Variants in NEGR1 observed in about 807,000 individuals in gnomAD.
The protein encoded by NEGR1 is neuronal growth regulator 1, also known as IgLON family member 4.
Under a neutral mutation model 40.9 loss-of-function variants are expected in NEGR1, and 10 were observed. The observed-to-expected ratio is 0.24, with a 90% CI of 0.15 to 0.42. The LOEUF (loss-of-function observed/expected upper bound fraction) is 0.42. NEGR1 is among the 10% of genes least tolerant of loss of function. The pLI, the probability that NEGR1 is intolerant of heterozygous loss-of-function variation, is 1.00. For missense variants in NEGR1, 352 were observed against 438.9 expected, an observed-to-expected ratio of 0.80 and a Z score of 1.77; for synonymous variants, 185 against 166.8, an observed-to-expected ratio of 1.11 and a Z score of -0.84.
At chr1:72,071,936 A>T (rs1307799775) in intron 1 of NEGR1, among the ~76,000 whole-genome samples, 3 of 152,124 alleles carry the variant, frequency 2.0e-5, no homozygotes, top group Non-Finnish European at 2.9e-5. Context: ...AGAAGTTTTC[A>T]ATAGCTCCTA....
intron 2 of NEGR1, among the ~76,000 whole-genome samples, chr1:71,831,364 A>G (rs1435133644): frequency 6.6e-6 from 1 of 151,994 alleles, no homozygotes; most frequent in Non-Finnish European, 1.5e-5. Context: ...TTGAGTGGAT[A>G]AAAGCTACCC....
In NEGR1 at chr1:72,196,810, C is replaced by T. The variant is rs371316322; in HGVS notation, c.176+85509G>A. Reference sequence around the variant, plus strand: ...AAGAGAAAAAATGACTTACATGTAACTACAATAAAAGGATTTCTGGCAAAT... The same window carrying T: ...AAGAGAAAAAATGACTTACATGTAATTACAATAAAAGGATTTCTGGCAAAT... On this transcript the variant is annotated intron_variant, in intron 1 of 6. Coordinates refer to ENST00000357731, the MANE Select transcript of NEGR1 (RefSeq NM_173808.3). 2.8e-4 allele frequency among the ~76,000 whole-genome samples: 42 copies of T among 148,744 alleles called. No individual in the cohort carries two copies. The East Asian group carries it at 6.5e-3, about 23-fold the overall frequency.
chr1:71,880,222 T>A (rs1359616383), intron 2 of NEGR1, among the ~76,000 whole-genome samples: 1 of 152,038 alleles, frequency 6.6e-6, no homozygotes, highest in African/African-American at 2.4e-5. Flanking sequence ...ATAACAATTT[T>A]ATTGCAGAGA....
intron 1 of NEGR1, among the ~76,000 whole-genome samples, chr1:72,072,373 T>C (rs1252739001): frequency 2.6e-5 from 4 of 152,110 alleles, no homozygotes; most frequent in Admixed American, 2.0e-4. Context: ...GGTGATTAAA[T>C]AGGAAATATT....
intron 1 of NEGR1, among the ~76,000 whole-genome samples, chr1:72,178,128 A>T (rs1652241673): frequency 6.6e-6 from 1 of 151,264 alleles, no homozygotes; most frequent in Non-Finnish European, 1.5e-5. Flanking sequence ...ATTTTTCCTT[A>T]TTTTGTTTTT....
At chr1:71,651,601 C>T (rs1651720378) in intron 4 of NEGR1, among the ~76,000 whole-genome samples, 1 of 152,114 alleles carries the variant, frequency 6.6e-6, no homozygotes, top group African/African-American at 2.4e-5. Context: ...GCTCAACTGT[C>T]ATTTCTCTCT....
chr1:71,710,050 C>G (rs534829452), intron 3 of NEGR1, among the ~76,000 whole-genome samples: 1 of 152,126 alleles, frequency 6.6e-6, no homozygotes, highest in Admixed American at 6.5e-5. Flanking sequence ...AGGAAAATAT[C>G]TAATAATCTG....
In NEGR1 at chr1:72,090,467, C is replaced by T. The variant is rs138570984; in HGVS notation, c.177-155156G>A. Reference sequence around the variant, plus strand: ...TATGGGAATTTACACAGTTAATTTACATTCACATTTACAGGAATTACCTCT... The same window carrying T: ...TATGGGAATTTACACAGTTAATTTATATTCACATTTACAGGAATTACCTCT... On this transcript the variant is annotated intron_variant, in intron 1 of 6. Transcript: ENST00000357731. Among the ~76,000 whole-genome samples the T allele has an allele frequency of 8.1e-3, 1,223 of 151,326 alleles. 19 individuals carry two copies. Among genetic ancestry groups the T allele is most frequent in the African/African-American group, 0.028 (1,167 of 41,268 alleles).
chr1:71,805,247 T>G (rs1050781294), intron 2 of NEGR1, among the ~76,000 whole-genome samples: 1 of 152,216 alleles, frequency 6.6e-6, no homozygotes, highest in African/African-American at 2.4e-5. Flanking sequence ...TCCTGTGATC[T>G]TGCCCTGCCT....
At chr1:71,554,319 A>G (rs1482000624) in intron 6 of NEGR1, among the ~76,000 whole-genome samples, 2 of 151,574 alleles carry the variant, frequency 1.3e-5, no homozygotes, top group African/African-American at 2.4e-5. Flanking sequence ...ACAATATTAT[A>G]TTGCACATTG....
chr1:72,044,916 C>T (rs1379376239), intron 1 of NEGR1, among the ~76,000 whole-genome samples: 1 of 151,798 alleles, frequency 6.6e-6, no homozygotes, highest in African/African-American at 2.4e-5. Context: ...CATAATAATA[C>T]ATATCCGAGG....
intron 2 of NEGR1, among the ~76,000 whole-genome samples, chr1:71,847,643 A>G (rs1659465480): frequency 6.6e-6 from 1 of 152,160 alleles, no homozygotes; most frequent in South Asian, 2.1e-4. Context: ...TCACTGACTG[A>G]CCATTCCCCA....
At chr1:71,492,193 A>G (rs1646934613) in intron 6 of NEGR1, among the ~76,000 whole-genome samples, 1 of 152,112 alleles carries the variant, frequency 6.6e-6, no homozygotes, top group South Asian at 2.1e-4. Flanking sequence ...GGACTAAGAG[A>G]TTGGGCAAGG....
chr1:72,067,534 G>T (rs1027007173), intron 1 of NEGR1, among the ~76,000 whole-genome samples: 1 of 152,022 alleles, frequency 6.6e-6, no homozygotes, highest in Non-Finnish European at 1.5e-5. Context: ...TGAAGATAAG[G>T]TACCATAATT....
Position 72,144,209 on chromosome 1 carries a change from T to TGGG in NEGR1, c.176+138109_176+138110insCCC, listed in dbSNP as rs535881088. Among the ~76,000 whole-genome samples the TGGG allele has an allele frequency of 5.8e-3, 872 of 151,572 alleles. 10 individuals carry two copies. Among genetic ancestry groups the TGGG allele is most frequent in the African/African-American group, 0.02 (826 of 41,450 alleles). On this transcript the variant is annotated intron_variant, in intron 1 of 6. Transcript: ENST00000357731. Reference sequence around the variant, plus strand: ...TTCATTCTAAATTACTTAAAACATATAGGTCTTGCAGGCACTCCCAATCAT... The same window carrying TGGG: ...TTCATTCTAAATTACTTAAAACATATGGGAGGTCTTGCAGGCACTCCCAATCAT...
chr1:72,219,069 C>A lies in NEGR1; in HGVS notation c.176+63250G>T, dbSNP rs1653924257. Among the ~76,000 whole-genome samples the A allele has an allele frequency of 2.0e-5, 3 of 152,144 alleles. 1 individual carries two copies. In the South Asian group the frequency reaches 6.2e-4, roughly 32 times the overall value. On this transcript the variant is annotated intron_variant, in intron 1 of 6. Transcript: ENST00000357731. ...CCAGATACTTTTTCTAATACAGTAT[C>A]CATCATACTGAACTGAAGTTGCCTG...
intron 6 of NEGR1, among the ~76,000 whole-genome samples, chr1:71,473,566 A>G (rs1435513676): frequency 6.6e-6 from 1 of 152,130 alleles, no homozygotes; most frequent in Non-Finnish European, 1.5e-5. Context: ...TAACCATGCC[A>G]AAGACCTTCA....
rs145622827 is a variant in NEGR1, at chr1:71,836,057, G to C, written c.410-59760C>G. 2.6e-3 allele frequency among the ~76,000 whole-genome samples: 393 copies of C among 152,086 alleles called. 3 individuals carry two copies. The highest frequency in any genetic ancestry group is 8.6e-3 in the African/African-American group (355 of 41,488). On this transcript the variant is annotated intron_variant, in intron 2 of 6. Transcript: ENST00000357731. ...AAGCTATTGCAGGGTGGCTGATCAG[G>C]CTCCCTCATTATCTCATACTGCCTC...
chr1:71,525,036 A>T (rs1009246647), intron 6 of NEGR1, among the ~76,000 whole-genome samples: 1 of 151,778 alleles, frequency 6.6e-6, no homozygotes, highest in Non-Finnish European at 1.5e-5. Context: ...CTCCAAAACT[A>T]TAAGATAATA....
Sources: gnomAD v4.1 joint callset for allele counts (sites outside exome capture counted in the v4.1 genomes callset) on GRCh38, gnomAD v4.1.1 for gene constraint, MANE v1.5 for transcripts, NCBI Gene and HGNC (gene_info 2026-07-23, HGNC 2026-07-21) for gene names.